Variants in PCDH9 observed in about 807,000 individuals in gnomAD.
PCDH9 encodes the protein protocadherin-9.
PCDH9 carries 24 observed loss-of-function variants against 70.6 expected under a neutral mutation model. The observed-to-expected ratio is 0.34, with a 90% CI of 0.25 to 0.48. The LOEUF is 0.48. Among genes scored for constraint, PCDH9 ranks in the 20% least tolerant of loss-of-function variants. The probability of loss-of-function intolerance (pLI) is 0.99; values close to 1 mark genes in which losing one functional copy is unlikely to be tolerated. For missense variants in PCDH9, 1,281 were observed against 1,503.6 expected, an observed-to-expected ratio of 0.85 and a Z score of 2.45; for synonymous variants, 562 against 558.5, an observed-to-expected ratio of 1.01 and a Z score of -0.09.
intron 4 of PCDH9, among the ~76,000 whole-genome samples, chr13:66,347,217 G>A (rs1227533338): frequency 1.3e-5 from 2 of 152,128 alleles, no homozygotes; most frequent in Admixed American, 1.3e-4. Flanking sequence ...ACATTTTAAT[G>A]TATTCATGTT....
At chr13:67,171,384 A>C (rs2088280581) in intron 2 of PCDH9, among the ~76,000 whole-genome samples, 1 of 152,142 alleles carries the variant, frequency 6.6e-6, no homozygotes, top group Non-Finnish European at 1.5e-5. Flanking sequence ...ATGCTTTTGG[A>C]GGACTAGACT....
chr13:66,939,801 C>G (rs530529990), intron 2 of PCDH9, among the ~76,000 whole-genome samples: 1 of 151,924 alleles, frequency 6.6e-6, no homozygotes, highest in Non-Finnish European at 1.5e-5. Context: ...TAGAAGACTA[C>G]AAGGCTCAAC....
intron 3 of PCDH9, among the ~76,000 whole-genome samples, chr13:66,780,397 T>C (rs1189189561): frequency 6.6e-6 from 1 of 152,188 alleles, no homozygotes; most frequent in Admixed American, 6.5e-5. Context: ...GTGCAGAGTA[T>C]TAAAGAACAC....
At chr13:67,065,045 A>AACTGTCTT (rs765468076) in intron 2 of PCDH9, among the ~76,000 whole-genome samples, 3 of 152,110 alleles carry the variant, frequency 2.0e-5, no homozygotes, top group Non-Finnish European at 4.4e-5. Flanking sequence ...CAAATATTTA[A>AACTGTCTT]ACTGTCTTGG....
chr13:67,148,097 G>A (rs191452354), intron 2 of PCDH9, among the ~76,000 whole-genome samples: 147 of 152,250 alleles, frequency 9.7e-4, no homozygotes, highest in African/African-American at 3.4e-3. Flanking sequence ...GCATTTAAAT[G>A]CAGGTCTATC....
intron 3 of PCDH9, among the ~76,000 whole-genome samples, chr13:66,849,058 C>T (rs974597678): frequency 6.6e-6 from 1 of 151,506 alleles, no homozygotes; most frequent in African/African-American, 2.4e-5. Context: ...AATAAATTAG[C>T]GTTTTAGAAT....
At position 66,939,826 on chromosome 13, in the gene PCDH9, A is replaced by C. The variant is rs529252339; in HGVS notation, c.3037-36221T>G. Among the ~76,000 whole-genome samples, 9 of 152,306 alleles carry C rather than the reference A, an allele frequency of 5.9e-5. No homozygotes were observed. The East Asian group carries it at 1.7e-3, about 29-fold the overall frequency. On this transcript the variant is annotated intron_variant, in intron 2 of 4. Coordinates refer to ENST00000377865, the MANE Select transcript of PCDH9 (RefSeq NM_203487.3). Reference sequence around the variant, plus strand: ...CAAGGCTCAACGTATAGGCGCATTTAGTATGCTGTCAGGTAATATTTATTT... The same window carrying C: ...CAAGGCTCAACGTATAGGCGCATTTCGTATGCTGTCAGGTAATATTTATTT...
intron 3 of PCDH9, among the ~76,000 whole-genome samples, chr13:66,787,552 G>A (rs928950571): frequency 6.6e-6 from 1 of 151,820 alleles, no homozygotes; most frequent in Admixed American, 6.6e-5. Context: ...GAGGACGGAG[G>A]CTGCAGTGAG....
At position 67,073,021 on chromosome 13, in the gene PCDH9, G is replaced by T. The variant is rs71427632; in HGVS notation, c.3036+152384C>A. Reference sequence around the variant, plus strand: ...ATTTTTGAGAAGAAAACAGTTTGGTGCTATACAACCACATTTAAACATGTT... The same window carrying T: ...ATTTTTGAGAAGAAAACAGTTTGGTTCTATACAACCACATTTAAACATGTT... On this transcript the variant is annotated intron_variant, in intron 2 of 4. Coordinates refer to ENST00000377865, the MANE Select transcript of PCDH9 (RefSeq NM_203487.3). Among the ~76,000 whole-genome samples the T allele has an allele frequency of 8.0e-3, 1,213 of 152,262 alleles. 10 individuals are homozygous for T. The highest frequency in any genetic ancestry group is 0.014 in the Middle Eastern group (4 of 294).
chr13:67,138,423 C>T (rs2087288829), intron 2 of PCDH9, among the ~76,000 whole-genome samples: 1 of 152,132 alleles, frequency 6.6e-6, no homozygotes, highest in African/African-American at 2.4e-5. Flanking sequence ...TTTGTGCCAC[C>T]TGTTGATCTG....
chr13:66,843,532 C>T (rs987494412), intron 3 of PCDH9, among the ~76,000 whole-genome samples: 1 of 152,172 alleles, frequency 6.6e-6, no homozygotes, highest in South Asian at 2.1e-4. Context: ...AAATTTGCTC[C>T]GGACAAACGT....
chr13:66,872,276 A>G (rs1380480133), intron 3 of PCDH9, among the ~76,000 whole-genome samples: 2 of 152,120 alleles, frequency 1.3e-5, no homozygotes, highest in Non-Finnish European at 2.9e-5. Context: ...AGTAAAAGCA[A>G]TTTATTTTCA....
rs554764391 is a variant in PCDH9 at position 66,409,341 on chromosome 13, A to T, written c.3341-104313T>A. Among the ~76,000 whole-genome samples the T allele has an allele frequency of 4.6e-5, 7 of 152,278 alleles. No individual in the cohort carries two copies. In the South Asian group the frequency reaches 1.5e-3, roughly 32 times the overall value. ...GCTGTATTTCAAATGCTAGATTTTGAAATACAGCAAATATCATATTTACAT... is the reference window on the plus strand; with the variant it reads ...GCTGTATTTCAAATGCTAGATTTTGTAATACAGCAAATATCATATTTACAT... On this transcript the variant is annotated intron_variant, in intron 4 of 4. Transcript: ENST00000377865.
intron 2 of PCDH9, among the ~76,000 whole-genome samples, chr13:67,005,242 A>T (rs9599171): frequency 0.25 from 24,949 of 99,112 alleles, 2,176 homozygotes; most frequent in Middle Eastern, 0.33. Context: ...TGATCTCTTT[A>T]AAAAAAAAAA....
intron 2 of PCDH9, among the ~76,000 whole-genome samples, chr13:67,179,653 T>G (rs1421613331): frequency 6.6e-6 from 1 of 152,120 alleles, no homozygotes; most frequent in Admixed American, 6.6e-5. Context: ...CTATTAGAAT[T>G]GAAGCTAGCA....
chr13:66,776,175 C>T (rs2079889486), intron 3 of PCDH9, among the ~76,000 whole-genome samples: 1 of 151,728 alleles, frequency 6.6e-6, no homozygotes, highest in Non-Finnish European at 1.5e-5. Flanking sequence ...CAATATCATA[C>T]TGAATGGTCA....
At chr13:66,419,983 G>A (rs569954858) in intron 4 of PCDH9, among the ~76,000 whole-genome samples, 23 of 152,156 alleles carry the variant, frequency 1.5e-4, no homozygotes, top group African/African-American at 5.1e-4. Context: ...CCAGCTTGGT[G>A]GGGGGAGGGG....
At chr13:66,542,976 A>G (rs1322735575) in intron 4 of PCDH9, among the ~76,000 whole-genome samples, 1 of 151,584 alleles carries the variant, frequency 6.6e-6, no homozygotes, top group Non-Finnish European at 1.5e-5. Flanking sequence ...ATGTGTGTGT[A>G]GAAAGTCATA....
At chr13:66,882,251 C>T (rs149930550) in intron 3 of PCDH9, among the ~76,000 whole-genome samples, 2 of 152,244 alleles carry the variant, frequency 1.3e-5, no homozygotes, top group Non-Finnish European at 2.9e-5. Flanking sequence ...AATTGAAATG[C>T]TTGATTGTCA....
Sources: allele counts gnomAD v4.1 joint callset (sites outside exome capture counted in the v4.1 genomes callset), GRCh38; gene constraint gnomAD v4.1.1; transcripts MANE v1.5; gene names NCBI Gene and HGNC (gene_info 2026-07-23, HGNC 2026-07-21).